The following COL26A1 variants were observed in gnomAD, a reference collection of about 807,000 sequenced individuals.
COL26A1 encodes the protein collagen type XXVI alpha 1 chain.
COL26A1 carries 41 observed loss-of-function variants against 59.3 expected under a neutral mutation model. The ratio of observed to expected loss-of-function variants is 0.69; its 90% CI spans 0.54 to 0.90. The LOEUF (loss-of-function observed/expected upper bound fraction) is 0.90. Among genes scored for constraint, COL26A1 ranks in the 40% least tolerant of loss-of-function variants. The probability of loss-of-function intolerance (pLI) is 0.00; values close to 1 mark genes in which losing one functional copy is unlikely to be tolerated. For missense variants in COL26A1, 612 were observed against 602.3 expected, an observed-to-expected ratio of 1.02 and a Z score of -0.17; for synonymous variants, 266 against 256.0, an observed-to-expected ratio of 1.04 and a Z score of -0.37.
chr7:101,545,417 A>G lies in COL26A1; in HGVS notation c.783A>G (p.Ala261=), dbSNP rs770988500. The G allele has an allele frequency of 6.2e-7, 1 of 1,607,920 alleles. No individual in the cohort carries two copies. Residue 261 remains alanine (A), a synonymous_variant, in exon 7 of 13, where the codon GCA becomes GCG. Transcript: ENST00000313669. ...RPGPPGPPGP[A]GNPGPSPNSP... ...GCCCCCCAGGACCACCCGGCCCAGC[A>G]GGCAACCCAGGCCCCTCACCAAACA... is the stretch of plus-strand genomic sequence containing the variant.
intron 3 of COL26A1, among the ~76,000 whole-genome samples, chr7:101,475,818 TTCTC>T (rs746851797): frequency 3.7e-5 from 5 of 133,538 alleles, no homozygotes; most frequent in African/African-American, 8.7e-5. Context: ...CTTTCTTTCT[TTCTC>T]TCTCTTTCTC....
chr7:101,496,556 G>A lies in COL26A1; in HGVS notation c.386-36526G>A, dbSNP rs140550219. Among the ~76,000 whole-genome samples, 362 of 152,222 alleles carry A rather than the reference G, an allele frequency of 2.4e-3. 1 individual carries two copies. Among genetic ancestry groups the A allele is most frequent in the African/African-American group, 8.4e-3 (348 of 41,530 alleles). ...TTCTACGCTCATCCTCTTCCTCTGT[G>A]GGGTCTTCAAACTCCACAGGAAAGG... is the stretch of plus-strand genomic sequence containing the variant. On this transcript the variant is annotated intron_variant, in intron 3 of 12. Transcript: ENST00000313669.
intron 2 of COL26A1, among the ~76,000 whole-genome samples, chr7:101,425,102 T>G (rs557843006): frequency 1.3e-5 from 2 of 151,768 alleles, no homozygotes; most frequent in Admixed American, 6.6e-5. Flanking sequence ...TAAAAAAAAT[T>G]TTGGCCAGGC....
At position 101,554,495 on chromosome 7, in the gene COL26A1, G is replaced by A. The variant is rs1411289133; in HGVS notation, c.1080+1119G>A. Among the ~76,000 whole-genome samples the A allele has an allele frequency of 2.6e-5, 4 of 151,282 alleles. No homozygotes were observed. In the East Asian group the frequency reaches 7.8e-4, roughly 29 times the overall value. ...GCCTGTAATCCCAGCACTTTGGGAG[G>A]CTGAGGTAGGAGAATCGCTTGAGCC... is the stretch of plus-strand genomic sequence containing the variant. On this transcript the variant is annotated intron_variant, in intron 11 of 12. Coordinates refer to ENST00000313669, the MANE Select transcript of COL26A1 (RefSeq NM_001278563.3).
chr7:101,392,911 C>CCTGTGAA (rs149290753), intron 1 of COL26A1, among the ~76,000 whole-genome samples: 9,373 of 152,152 alleles, frequency 0.062, 663 homozygotes, highest in African/African-American at 0.16. Context: ...ATCCCTGCAA[C>CCTGTGAA]CTGTGAATAT....
rs371894603 is a variant in COL26A1 at position 101,395,522 on chromosome 7, C to T, written c.159-24455C>T. On this transcript the variant is annotated intron_variant, in intron 1 of 12. Coordinates refer to ENST00000313669, the MANE Select transcript of COL26A1 (RefSeq NM_001278563.3). ...GGGATGAGGCTAGGTGGGAACTGGC[C>T]GTCTGCAGGGGTTCCTGGGAAAAAA... Among the ~76,000 whole-genome samples, 79 of 152,304 alleles carry T rather than the reference C, an allele frequency of 5.2e-4. 4 individuals are homozygous for T. In the South Asian group the frequency reaches 0.016, roughly 30 times the overall value.
intron 1 of COL26A1, among the ~76,000 whole-genome samples, chr7:101,369,055 ACT>A (rs1270715304): frequency 3.3e-5 from 5 of 151,816 alleles, no homozygotes; most frequent in Admixed American, 3.3e-4. Flanking sequence ...TATGCTAGTT[ACT>A]CTGTCTTCAA....
intron 2 of COL26A1, among the ~76,000 whole-genome samples, chr7:101,443,487 CCTG>C (rs1793110707): frequency 6.6e-6 from 1 of 152,180 alleles, no homozygotes; most frequent in South Asian, 2.1e-4. Context: ...AAACGTCGCG[CCTG>C]CTGCTACCAA....
At chr7:101,401,350 G>A (rs1455781931) in intron 1 of COL26A1, among the ~76,000 whole-genome samples, 1 of 152,096 alleles carries the variant, frequency 6.6e-6, no homozygotes. Context: ...CTATGTCAGC[G>A]GGATGGTCTC....
chr7:101,435,057 G>A lies in COL26A1; in HGVS notation c.282-12627G>A, dbSNP rs1792882766. On this transcript the variant is annotated intron_variant, in intron 2 of 12. Coordinates refer to ENST00000313669, the MANE Select transcript of COL26A1 (RefSeq NM_001278563.3). ...GCTCTGTTCAGGGTTGGGCGTGGTGGCTCACGCCTGTAATCCTAGCACTTT... is the reference window on the plus strand; with the variant it reads ...GCTCTGTTCAGGGTTGGGCGTGGTGACTCACGCCTGTAATCCTAGCACTTT... Among the ~76,000 whole-genome samples, 3 of 152,152 alleles carry A rather than the reference G, an allele frequency of 2.0e-5. No individual in the cohort carries two copies. In the South Asian group the frequency reaches 6.2e-4, roughly 32 times the overall value.
chr7:101,449,622 T>G (rs185645990), intron 3 of COL26A1, among the ~76,000 whole-genome samples: 70 of 151,142 alleles, frequency 4.6e-4, no homozygotes, highest in African/African-American at 1.5e-3. Flanking sequence ...ATACAAAAAT[T>G]AGCCAGGTGA....
chr7:101,470,927 T>C (rs549716299), intron 3 of COL26A1, among the ~76,000 whole-genome samples: 1 of 152,190 alleles, frequency 6.6e-6, no homozygotes, highest in East Asian at 1.9e-4. Flanking sequence ...ATCACCTCAC[T>C]TAGCATAAAC....
chr7:101,557,171 G>A (rs1249933948), intron 12 of COL26A1, among the ~76,000 whole-genome samples, 199 bp from the exon 13 acceptor site: 1 of 152,194 alleles, frequency 6.6e-6, no homozygotes, highest in Non-Finnish European at 1.5e-5. Context: ...ATGGACAGGT[G>A]GATGGGTGAA....
chr7:101,412,628 G>T (rs959505324), intron 1 of COL26A1, among the ~76,000 whole-genome samples: 2 of 135,102 alleles, frequency 1.5e-5, no homozygotes, highest in Non-Finnish European at 3.1e-5. Context: ...CTGGGCCACA[G>T]AGCGAGACTC....
intron 3 of COL26A1, among the ~76,000 whole-genome samples, chr7:101,481,411 TTATATA>T (rs200702862): frequency 6.9e-6 from 1 of 144,794 alleles, no homozygotes; most frequent in South Asian, 2.1e-4. Context: ...TTTATCACAA[TTATATA>T]TATATATATA....
chr7:101,441,048 G>A (rs1307326699), intron 2 of COL26A1, among the ~76,000 whole-genome samples: 1 of 152,066 alleles, frequency 6.6e-6, no homozygotes, highest in African/African-American at 2.4e-5. Context: ...CTCAGTTTCT[G>A]AATCAGGGGC....
At chr7:101,424,292 G>C (rs1792591628) in intron 2 of COL26A1, among the ~76,000 whole-genome samples, 1 of 152,126 alleles carries the variant, frequency 6.6e-6, no homozygotes, top group Non-Finnish European at 1.5e-5. Context: ...AATTTCTGCT[G>C]TTATTATATT....
chr7:101,485,136 G>A (rs977966070), intron 3 of COL26A1, among the ~76,000 whole-genome samples: 1 of 152,332 alleles, frequency 6.6e-6, no homozygotes, highest in Non-Finnish European at 1.5e-5. Context: ...ACAGGCGTAA[G>A]CCACCATGCC....
At position 101,466,795 on chromosome 7, in the gene COL26A1, G is replaced by GGTGTGTGTGTGTGTGT. The variant is rs59942660; in HGVS notation, c.385+19036_385+19051dup. Among the ~76,000 whole-genome samples the GGTGTGTGTGTGTGTGT allele has an allele frequency of 2.9e-3, 358 of 125,180 alleles. 1 individual carries two copies. Among genetic ancestry groups the GGTGTGTGTGTGTGTGT allele is most frequent in the East Asian group, 0.015 (62 of 4,254 alleles). 82.1% of individuals were successfully genotyped at this position (125,180 alleles called of 152,430 possible). A position where few individuals can be genotyped will look rare whatever the true frequency, so the allele number is the denominator to read the frequency against. On this transcript the variant is annotated intron_variant, in intron 3 of 12. Coordinates refer to ENST00000313669, the MANE Select transcript of COL26A1 (RefSeq NM_001278563.3). ...GAATGCTAAGACCCCGGCATGTTCT[G>GGTGTGTGTGTGTGTGT]GTGTGTGTGTGTGTGTGTGTGTGTG...
Sources: allele counts gnomAD v4.1 joint callset (sites outside exome capture counted in the v4.1 genomes callset), GRCh38; gene constraint gnomAD v4.1.1; transcripts MANE v1.5; gene names NCBI Gene and HGNC (gene_info 2026-07-23, HGNC 2026-07-21).